Variants in EEFSEC observed in about 807,000 individuals in gnomAD.
EEFSEC encodes the protein eukaryotic elongation factor, selenocysteine-tRNA specific.
Under a neutral mutation model 42.1 loss-of-function variants are expected in EEFSEC, and 43 were observed. That is an observed-to-expected ratio of 1.02 (90% CI 0.80 to 1.32). The LOEUF (loss-of-function observed/expected upper bound fraction) is 1.32. Ranked by LOEUF, EEFSEC falls within the 40% of genes most tolerant of loss-of-function variation. The pLI, the probability that EEFSEC is intolerant of heterozygous loss-of-function variation, is 0.00. For missense variants in EEFSEC, 745 were observed against 803.6 expected (o/e 0.93, Z 0.88); for synonymous variants, 354 against 339.1 (o/e 1.04, Z -0.48).
At chr3:128,386,325 T>G (rs913851791) in intron 6 of EEFSEC, among the ~76,000 whole-genome samples, 1 of 152,160 alleles carries the variant, frequency 6.6e-6, no homozygotes, top group Admixed American at 6.5e-5. Flanking sequence ...ACCTATGCCC[T>G]GAAAACGTTC....
chr3:128,397,861 T>C (rs2068000589), intron 6 of EEFSEC, among the ~76,000 whole-genome samples: 1 of 152,250 alleles, frequency 6.6e-6, no homozygotes, highest in Admixed American at 6.5e-5. Flanking sequence ...TGATTCCTCC[T>C]CCTAGTTCTG....
At chr3:128,162,185 T>C (rs2065196029) in intron 1 of EEFSEC, among the ~76,000 whole-genome samples, 1 of 152,246 alleles carries the variant, frequency 6.6e-6, no homozygotes, top group Admixed American at 6.5e-5. Flanking sequence ...GTTCCCTGTT[T>C]CTTTGTGCCC....
intron 1 of EEFSEC, among the ~76,000 whole-genome samples, chr3:128,226,217 C>T (rs1261063546): frequency 6.6e-6 from 1 of 152,182 alleles, no homozygotes; most frequent in Non-Finnish European, 1.5e-5. Flanking sequence ...CGAAGCTAGA[C>T]AGCCCATGCC....
At chr3:128,212,892 C>T (rs1185159686) in intron 1 of EEFSEC, among the ~76,000 whole-genome samples, 2 of 152,226 alleles carry the variant, frequency 1.3e-5, no homozygotes, top group Non-Finnish European at 2.9e-5. Flanking sequence ...GGCGCTGCCA[C>T]ATCAGCCAGC....
At chr3:128,400,312 G>A (rs1276549168) in intron 6 of EEFSEC, among the ~76,000 whole-genome samples, 3 of 152,190 alleles carry the variant, frequency 2.0e-5, no homozygotes, top group Non-Finnish European at 2.9e-5. Context: ...CTGCCCCATG[G>A]CCCCTGCTGA....
the EEFSEC span, among the ~76,000 whole-genome samples, chr3:128,425,930 G>A: frequency 2.6e-5 from 4 of 152,008 alleles, no homozygotes; most frequent in African/African-American, 9.7e-5. Context: ...CCAGGCGGGG[G>A]CCCAGCAGGT....
At chr3:128,403,197 C>T (rs1293858917) in intron 6 of EEFSEC, among the ~76,000 whole-genome samples, 1 of 152,070 alleles carries the variant, frequency 6.6e-6, no homozygotes, top group Admixed American at 6.6e-5. Flanking sequence ...ACAGGGGCCC[C>T]GAGGCAGAGA....
At chr3:128,334,791 C>T (rs1014457358) in intron 4 of EEFSEC, among the ~76,000 whole-genome samples, 15 of 152,202 alleles carry the variant, frequency 9.9e-5, no homozygotes, top group Admixed American at 3.3e-4. Flanking sequence ...GAGGGAGAGC[C>T]TCTGCAATCA....
At chr3:128,273,413 G>A (rs1165393785) in intron 4 of EEFSEC, among the ~76,000 whole-genome samples, 1 of 152,110 alleles carries the variant, frequency 6.6e-6, no homozygotes, top group African/African-American at 2.4e-5. Flanking sequence ...AGAGATCAAT[G>A]CTCAGTGTCC....
chr3:128,393,819 G>A (rs2067946038), intron 6 of EEFSEC, among the ~76,000 whole-genome samples: 1 of 152,266 alleles, frequency 6.6e-6, no homozygotes, highest in South Asian at 2.1e-4. Flanking sequence ...CTGTGAGGTA[G>A]GTGCAGGGCC....
intron 6 of EEFSEC, among the ~76,000 whole-genome samples, chr3:128,392,597 G>A (rs2067928129): frequency 6.6e-6 from 1 of 152,236 alleles, no homozygotes; most frequent in Admixed American, 6.5e-5. Flanking sequence ...CAGTGCCATT[G>A]CTGCTGCCCT....
intron 1 of EEFSEC, among the ~76,000 whole-genome samples, chr3:128,162,117 A>G (rs2065195407): frequency 6.6e-6 from 1 of 152,226 alleles, no homozygotes. Context: ...AAGGAGTTCT[A>G]AGTGGAAATG....
intron 6 of EEFSEC, among the ~76,000 whole-genome samples, chr3:128,406,411 G>T (rs1480489524): frequency 2.0e-5 from 3 of 152,156 alleles, no homozygotes; most frequent in African/African-American, 7.2e-5. Context: ...CACAGTTTCA[G>T]TTAGACCAGA....
At chr3:128,365,766 A>T (rs2067582980) in intron 6 of EEFSEC, among the ~76,000 whole-genome samples, 1 of 152,232 alleles carries the variant, frequency 6.6e-6, no homozygotes, top group South Asian at 2.1e-4. Flanking sequence ...TCAAGCAGGG[A>T]TTGGCTGTGC....
In EEFSEC at chr3:128,212,946, G is replaced by A. The variant is rs1017108090; in HGVS notation, c.317-33890G>A. Among the ~76,000 whole-genome samples, 6 of 152,228 alleles carry A rather than the reference G, an allele frequency of 3.9e-5. No homozygotes were observed. The East Asian group carries it at 7.7e-4, about 20-fold the overall frequency. ...CCTGGGAGCATGGCAGCCACATCCC[G>A]GGGAGCAGCAGTCCTCTGCTAGCAC... On this transcript the variant is annotated intron_variant, in intron 1 of 6. Coordinates refer to ENST00000254730, the MANE Select transcript of EEFSEC (RefSeq NM_021937.5).
intron 4 of EEFSEC, among the ~76,000 whole-genome samples, chr3:128,274,865 G>A (rs1030628637): frequency 3.3e-5 from 5 of 152,184 alleles, no homozygotes; most frequent in Non-Finnish European, 7.3e-5. Flanking sequence ...ACAGCCTTCA[G>A]GTGGGAATGG....
At chr3:128,369,071 C>G (rs1180919024) in intron 6 of EEFSEC, among the ~76,000 whole-genome samples, 1 of 152,230 alleles carries the variant, frequency 6.6e-6, no homozygotes, top group Non-Finnish European at 1.5e-5. Flanking sequence ...CTGCAGCCTT[C>G]AAGAGGAGGC....
At chr3:128,401,288 C>A (rs760381) in intron 6 of EEFSEC, among the ~76,000 whole-genome samples, 1 of 152,240 alleles carries the variant, frequency 6.6e-6, no homozygotes, top group African/African-American at 2.4e-5. Flanking sequence ...CTTCCCTCCG[C>A]TGTCCTGCAC....
intron 2 of EEFSEC, among the ~76,000 whole-genome samples, chr3:128,249,596 C>T (rs1407477061): frequency 1.3e-5 from 2 of 152,184 alleles, no homozygotes; most frequent in East Asian, 3.8e-4. Flanking sequence ...CCCCTTTCTC[C>T]CTTCCTCCCA....
Sources: gnomAD v4.1 joint callset for allele counts (sites outside exome capture counted in the v4.1 genomes callset) on GRCh38, gnomAD v4.1.1 for gene constraint, MANE v1.5 for transcripts, NCBI Gene and HGNC (gene_info 2026-07-23, HGNC 2026-07-21) for gene names.